GAL3ST2: variants seen among roughly 807,000 people sequenced by gnomAD.
GAL3ST2 encodes beta-galactose-3-O-sulfotransferase 2.
A neutral mutation model predicts 12.9 loss-of-function variants in GAL3ST2; 16 were observed. The observed-to-expected ratio is 1.24, with a 90% confidence interval of 0.84 to 1.88. GAL3ST2 has a LOEUF of 1.88. Among genes scored for constraint, GAL3ST2 ranks in the 40% most tolerant of loss-of-function variants. The probability of loss-of-function intolerance (pLI) is 0.00; values close to 1 mark genes in which losing one functional copy is unlikely to be tolerated. For synonymous variants in GAL3ST2, 302 were observed against 273.9 expected (o/e 1.10, Z -1.01); for missense variants, 639 against 571.8 (o/e 1.12, Z -1.20).
Position 241,793,275 on chromosome 2 carries a change from C to T in GAL3ST2, c.30-5790C>T, listed in dbSNP as rs1029374162. Reference sequence around the variant, plus strand: ...TTTTGCCATAAAGTTCATCCATGTCCAGCGAGCTGGTCAGAAGGAACCGCA... The same window carrying T: ...TTTTGCCATAAAGTTCATCCATGTCTAGCGAGCTGGTCAGAAGGAACCGCA... On this transcript the variant is annotated intron_variant, in intron 1 of 3. Coordinates refer to ENST00000192314, the MANE Select transcript of GAL3ST2 (RefSeq NM_022134.3). The surrounding 1 kb of genome is among the most constrained non-coding windows in gnomAD (Gnocchi z 4.7). Among the ~76,000 whole-genome samples, 11 of 152,282 alleles carry T rather than the reference C, an allele frequency of 7.2e-5. No individual in the cohort carries two copies. Among genetic ancestry groups the T allele is most frequent in the Non-Finnish European group, 1.6e-4 (11 of 68,026 alleles).
rs746684169 is a variant in GAL3ST2 at position 241,801,775 on chromosome 2, T to A, written c.120-6T>A. ...TGCTGAAGGCTGCGTGTGCCTTCCC[T>A]CCCAGCCTGTTTGGGGGCCAGGCTG... On this transcript the variant is annotated splice_polypyrimidine_tract_variant and splice_region_variant and intron_variant, in intron 2 of 3. Transcript: ENST00000192314. This position sits in a 1 kb window ranked among gnomAD's most constrained non-coding sequence, Gnocchi z 4.4. 17 of 1,611,640 alleles carry A rather than the reference T, an allele frequency of 1.1e-5. No homozygotes were observed. The highest frequency in any genetic ancestry group is 1.4e-5 in the Non-Finnish European group (16 of 1,179,536).
chr2:241,789,569 T>C (rs1389561116), intron 1 of GAL3ST2, among the ~76,000 whole-genome samples: 1 of 152,222 alleles, frequency 6.6e-6, no homozygotes, highest in Non-Finnish European at 1.5e-5. Flanking sequence ...GAAAAAAATA[T>C]GGTCTTTATG....
At position 241,802,743 on chromosome 2, in the gene GAL3ST2, G is replaced by A. The variant is rs867381217; in HGVS notation, c.376-602G>A. ...GGTTTCTGAGGATGGAGAAGCAGGC[G>A]GTGTAGTTGGGCGTGACTTTCTGCA... On this transcript the variant is annotated intron_variant, in intron 3 of 3. Coordinates refer to ENST00000192314, the MANE Select transcript of GAL3ST2 (RefSeq NM_022134.3). This position sits in a 1 kb window ranked among gnomAD's most constrained non-coding sequence, Gnocchi z 4.8. Among the ~76,000 whole-genome samples the A allele has an allele frequency of 6.6e-6, 1 of 152,062 alleles. No homozygotes were observed. Among genetic ancestry groups the A allele is most frequent in the Non-Finnish European group, 1.5e-5 (1 of 68,000 alleles).
At chr2:241,785,552 CAAAAA>C (rs80247515) in intron 1 of GAL3ST2, among the ~76,000 whole-genome samples, 12 of 72,854 alleles carry the variant, frequency 1.6e-4, no homozygotes, top group Non-Finnish European at 2.4e-4. Flanking sequence ...AACTCCGTCT[CAAAAA>C]AAAAAAAAAA....
chr2:241,788,411 G>A (rs1331233737), intron 1 of GAL3ST2, among the ~76,000 whole-genome samples: 1 of 152,054 alleles, frequency 6.6e-6, no homozygotes, highest in Non-Finnish European at 1.5e-5. Context: ...TCTCTCCTAG[G>A]AGGTTGTTGT....
chr2:241,801,944 C>T lies in GAL3ST2; in HGVS notation c.283C>T (p.Pro95Ser), dbSNP rs765513688. The T allele has an allele frequency of 6.2e-7, 1 of 1,613,032 alleles. No individual in the cohort carries two copies. Among genetic ancestry groups the T allele is most frequent in the South Asian group, 1.1e-5 (1 of 91,076 alleles). The change falls in exon 3 of 4, where the codon CCC becomes TCC. Residue 95 changes from proline to serine, a missense_variant. Physicochemically the swap from Pro to Ser is moderately conservative, Grantham distance 74. Coordinates refer to ENST00000192314, the MANE Select transcript of GAL3ST2 (RefSeq NM_022134.3). This position sits in a 1 kb window ranked among gnomAD's most constrained non-coding sequence, Gnocchi z 4.4. ...PAGSRVHLGYPWLFLARYVEG... is the reference protein window; with the variant it reads ...PAGSRVHLGYSWLFLARYVEG... ...CGGCTCACGCGTCCACCTGGGCTAC[C>T]CCTGGCTCTTCCTGGCGCGCTACGT...
In GAL3ST2 at chr2:241,801,841, C is replaced by T. The variant is rs1429210047; in HGVS notation, c.180C>T (p.His60=). 1.2e-6 allele frequency: 2 copies of T among 1,612,964 alleles called. No individual in the cohort carries two copies. The highest frequency in any genetic ancestry group is 2.2e-5 in the East Asian group (1 of 44,878). ...PVTNIMFLKT[H]KTASSTVLNI... is the part of the protein sequence containing the mutation. Reference sequence around the variant, plus strand: ...CCAACATCATGTTCCTGAAGACGCACAAGACGGCCAGCAGCACGGTGCTCA... The same window carrying T: ...CCAACATCATGTTCCTGAAGACGCATAAGACGGCCAGCAGCACGGTGCTCA... The change falls in exon 3 of 4, where the codon CAC becomes CAT. Residue 60 remains histidine (H), a synonymous_variant. Transcript: ENST00000192314. The surrounding 1 kb of genome is among the most constrained non-coding windows in gnomAD (Gnocchi z 4.4).
chr2:241,785,640 T>G (rs1377103507), intron 1 of GAL3ST2, among the ~76,000 whole-genome samples: 4 of 152,008 alleles, frequency 2.6e-5, no homozygotes, highest in African/African-American at 4.8e-5. Flanking sequence ...TGGCACCTTC[T>G]TGGTTTTCTT....
chr2:241,789,728 T>G (rs907703356), intron 1 of GAL3ST2, among the ~76,000 whole-genome samples: 10 of 152,038 alleles, frequency 6.6e-5, no homozygotes, highest in Non-Finnish European at 1.3e-4. Context: ...GGCATGGTGG[T>G]GGGCGCCTGT....
At chr2:241,790,572 G>C (rs1699683231) in intron 1 of GAL3ST2, among the ~76,000 whole-genome samples, 2 of 152,126 alleles carry the variant, frequency 1.3e-5, no homozygotes, top group South Asian at 4.1e-4. Flanking sequence ...ATTCTCATCA[G>C]ATGGCTTTTA....
rs141438054 is a variant in GAL3ST2 at position 241,786,139 on chromosome 2, TTG to T, written c.29+9185_29+9186del. On this transcript the variant is annotated intron_variant, in intron 1 of 3. Transcript: ENST00000192314. The stretch of plus-strand genomic sequence containing the variant: ...ATCTTTCTCCCCCACCACACACCTT[TTG>T]TGTGTGTGTGTGTGTGTGTGTGTGT... Among the ~76,000 whole-genome samples, 622 of 145,266 alleles carry T rather than the reference TTG, an allele frequency of 4.3e-3. 1 individual carries two copies. Among genetic ancestry groups the T allele is most frequent in the African/African-American group, 0.01 (402 of 39,240 alleles).
Position 241,793,407 on chromosome 2 carries a change from T to C in GAL3ST2, c.30-5658T>C, listed in dbSNP as rs918976485. 1.3e-5 allele frequency among the ~76,000 whole-genome samples: 2 copies of C among 152,132 alleles called. No homozygotes were observed. The highest frequency in any genetic ancestry group is 4.8e-5 in the African/African-American group (2 of 41,410). ...GTATGCATGTGTGTGTATATGTATG[T>C]ATACATGTACGTGTGTATATTGTGT... On this transcript the variant is annotated intron_variant, in intron 1 of 3. Transcript: ENST00000192314. The surrounding 1 kb of genome is among the most constrained non-coding windows in gnomAD (Gnocchi z 4.7).
chr2:241,777,047 A>G (rs1338162965), intron 1 of GAL3ST2, 63 bp downstream of exon 1: 3 of 1,364,950 alleles, frequency 2.2e-6, no homozygotes, highest in Non-Finnish European at 2.9e-6. Flanking sequence ...ATTCTGAGAG[A>G]CGGACAGGAG....
Position 241,801,624 on chromosome 2 carries a change from C to A in GAL3ST2, c.120-157C>A. On this transcript the variant is annotated intron_variant, in intron 2 of 3. Coordinates refer to ENST00000192314, the MANE Select transcript of GAL3ST2 (RefSeq NM_022134.3). The surrounding 1 kb of genome is among the most constrained non-coding windows in gnomAD (Gnocchi z 4.4). ...TTGTGGAGTGGGGCAAGGATTGGGG[C>A]CATGGGTCGGTGCCTACCCAGTTGG... 1 of 904,350 alleles carries A rather than the reference C, an allele frequency of 1.1e-6. No individual in the cohort carries two copies. Among genetic ancestry groups the A allele is most frequent in the Non-Finnish European group, 1.6e-6 (1 of 613,048 alleles). 56.0% of individuals were successfully genotyped at this position (904,350 alleles called of 1,614,324 possible).
chr2:241,798,335 A>G (rs993394008), intron 1 of GAL3ST2, among the ~76,000 whole-genome samples: 7 of 152,278 alleles, frequency 4.6e-5, no homozygotes, highest in African/African-American at 1.4e-4. Flanking sequence ...AGCAGCAGAC[A>G]TGTGCTTCTC....
At chr2:241,792,547 CT>C (rs1271794691) in intron 1 of GAL3ST2, among the ~76,000 whole-genome samples, 1 of 152,074 alleles carries the variant, frequency 6.6e-6, no homozygotes, top group Non-Finnish European at 1.5e-5. Context: ...TTGTTGTTTT[CT>C]TTCTTCCTCC....
chr2:241,797,113 C>T (rs1055622186), intron 1 of GAL3ST2, among the ~76,000 whole-genome samples: 1 of 152,256 alleles, frequency 6.6e-6, no homozygotes, highest in Non-Finnish European at 1.5e-5. Flanking sequence ...CCCACTTCCG[C>T]CTCCCAAAAT....
chr2:241,785,045 C>A (rs182385424), intron 1 of GAL3ST2, among the ~76,000 whole-genome samples: 9 of 152,256 alleles, frequency 5.9e-5, no homozygotes, highest in African/African-American at 2.2e-4. Flanking sequence ...GAGCTCTGGG[C>A]AGAGCCCACA....
chr2:241,780,901 T>C (rs1391588844), intron 1 of GAL3ST2, among the ~76,000 whole-genome samples: 1 of 152,176 alleles, frequency 6.6e-6, no homozygotes, highest in Non-Finnish European at 1.5e-5. Context: ...TAGACAAAAG[T>C]ATGAGGCCAG....
Sources: gnomAD v4.1 joint callset for allele counts (sites outside exome capture counted in the v4.1 genomes callset) on GRCh38, gnomAD v4.1.1 for gene constraint, Gnocchi (gnomAD v3.1) non-coding constraint, MANE v1.5 for transcripts, NCBI Gene and HGNC (gene_info 2026-07-23, HGNC 2026-07-21) for gene names.